Variants in DDX52 observed in about 807,000 individuals in gnomAD.
DDX52 encodes the protein DExD-box helicase 52.
In DDX52, 59 loss-of-function variants were observed where a neutral mutation model predicts 76.1. The observed-to-expected ratio is 0.78, with a 90% CI of 0.63 to 0.96. The LOEUF (loss-of-function observed/expected upper bound fraction) is 0.96, where lower values mean the gene tolerates loss of function less well. Ranked by LOEUF, DDX52 falls within the 40% of genes least tolerant of loss-of-function variation. The pLI is 0.00. For missense variants in DDX52, 707 were observed against 703.9 expected, an observed-to-expected ratio of 1.00 and a Z score of -0.05; for synonymous variants, 231 against 244.1, an observed-to-expected ratio of 0.95 and a Z score of 0.50.
intron 8 of DDX52, 56 bp from the exon 9 acceptor site, chr17:37,624,490 G>C: frequency 7.2e-7 from 1 of 1,384,234 alleles, no homozygotes. Context: ...TTTTTCCCCT[G>C]AACTCTAAAT....
At position 37,612,996 on chromosome 17, in the gene DDX52, A is replaced by C. The variant is rs1184437851; in HGVS notation, c.*1300T>G. The C allele has an allele frequency of 6.6e-6, 1 of 152,230 alleles. No homozygotes were observed. The highest frequency in any genetic ancestry group is 1.5e-5 in the Non-Finnish European group (1 of 68,042). The allele number at this position is 152,230 out of a possible 1,614,324, so 9.4% of individuals were successfully genotyped here. A position where few individuals can be genotyped will look rare whatever the true frequency, so the allele number is the denominator to read the frequency against. ...TACCAGTAGATCTTTCTTTAAATAA[A>C]TTCCGAAGATGAACAATTTTTGTCC... is the stretch of plus-strand genomic sequence containing the variant. On this transcript the variant is annotated 3_prime_UTR_variant, in exon 15 of 15. Transcript: ENST00000617633.
At chr17:37,625,710 C>G (rs2030331493) in intron 8 of DDX52, among the ~76,000 whole-genome samples, 185 bp downstream of exon 8, 1 of 152,026 alleles carries the variant, frequency 6.6e-6, no homozygotes, top group Non-Finnish European at 1.5e-5. Context: ...ATGTAAAAAC[C>G]TTCTTTTAGA....
Position 37,623,352 on chromosome 17 carries a change from G to A in DDX52, c.1227+992C>T, listed in dbSNP as rs143374886. 5.3e-3 allele frequency among the ~76,000 whole-genome samples: 802 copies of A among 152,060 alleles called. 3 individuals carry two copies. The highest frequency in any genetic ancestry group is 0.018 in the African/African-American group (747 of 41,344). ...AGGTAGGAGAATGGCGTGAACCCAG[G>A]AGGCAGAGCTTGCAGTGAGCCAAGA... On this transcript the variant is annotated intron_variant, in intron 9 of 14. Transcript: ENST00000617633.
chr17:37,632,049 G>C (rs761340048), intron 4 of DDX52, 64 bp downstream of exon 4: 11 of 1,601,254 alleles, frequency 6.9e-6, no homozygotes, highest in Non-Finnish European at 9.4e-6. Context: ...AAGAAGAGAG[G>C]GAAGAGAATG....
chr17:37,632,151 T>C lies in DDX52; in HGVS notation c.565A>G (p.Thr189Ala), dbSNP rs761607633. 1.2e-6 allele frequency: 2 copies of C among 1,613,418 alleles called. No individual in the cohort carries two copies. Among genetic ancestry groups the C allele is most frequent in the South Asian group, 2.2e-5 (2 of 91,030 alleles). Residue 189 changes from threonine to alanine, a missense_variant, in exon 4 of 15, where the codon ACG becomes GCG. By Grantham distance (58) the Thr-to-Ala change is moderately conservative. Transcript: ENST00000617633. ...GGGATGGCTTGCATTTGGATTGGCGTAGGCATTTGGAAACCTGCATCTAGA... is the reference window on the plus strand; with the variant it reads ...GGGATGGCTTGCATTTGGATTGGCGCAGGCATTTGGAAACCTGCATCTAGA... ...NILDAGFQMP[T>A]PIQMQAIPVM...
At chr17:37,625,858 A>G in intron 8 of DDX52, 37 bp downstream of exon 8, 1 of 1,610,556 alleles carries the variant, frequency 6.2e-7, no homozygotes, top group Non-Finnish European at 8.5e-7. Flanking sequence ...ATTTAAAAAA[A>G]AAATCAGTGT....
chr17:37,632,402 T>TA, intron 3 of DDX52, 104 bp from the exon 4 acceptor site: 1 of 1,318,174 alleles, frequency 7.6e-7, no homozygotes, highest in Non-Finnish European at 1.1e-6. Context: ...TTTAGCAGCA[T>TA]ATGAAACTTT....
At chr17:37,616,565 G>C (rs1019365661) in intron 14 of DDX52, among the ~76,000 whole-genome samples, 2 of 151,774 alleles carry the variant, frequency 1.3e-5, no homozygotes, top group Admixed American at 6.6e-5. Context: ...TGAGGCACGA[G>C]AATCACTTGA....
chr17:37,639,411 A>C, intron 2 of DDX52: 1 of 990,600 alleles, frequency 1.0e-6, no homozygotes, highest in Non-Finnish European at 1.2e-6. Context: ...ATCATTACTA[A>C]TTCACAAGCT....
intron 14 of DDX52, among the ~76,000 whole-genome samples, chr17:37,617,498 T>C (rs752637540): frequency 7.2e-5 from 11 of 152,242 alleles, no homozygotes; most frequent in Non-Finnish European, 1.0e-4. Context: ...AGGTAGCCTG[T>C]ATGAATGCTA....
At chr17:37,620,845 T>TA in intron 12 of DDX52, 28 bp downstream of exon 12, 1 of 1,571,970 alleles carries the variant, frequency 6.4e-7, no homozygotes, top group Non-Finnish European at 8.6e-7. Flanking sequence ...ATTTTGCCAA[T>TA]AACACTAGGT....
chr17:37,633,300 G>C lies in DDX52; in HGVS notation c.405C>G (p.Leu135=). 1 of 1,602,326 alleles carries C rather than the reference G, an allele frequency of 6.2e-7. No homozygotes were observed. ...ATATTTTTCTAACCTTTTCTTTTCT[G>C]AGATTCTCCAACTTTCCGGAAGTTA... ...SKLTSGKLEN[L]RKEKINFLRN... The change falls in exon 3 of 15, where the codon CTC becomes CTG. Residue 135 remains leucine (L), a synonymous_variant. Transcript: ENST00000617633.
chr17:37,642,246 T>G lies in DDX52; in HGVS notation c.150A>C (p.Gly50=). The G allele has an allele frequency of 6.2e-7, 1 of 1,614,056 alleles. No individual in the cohort carries two copies. The highest frequency in any genetic ancestry group is 8.5e-7 in the Non-Finnish European group (1 of 1,180,006). ...ACACACCTGGGACAGACTTCTTGTT[T>G]CCAAAAAAGTCCAGTCCCTGAAGCA... ...SEVLQGLDFF[G]NKKSVPGVCG... is the part of the protein sequence containing the mutation. Residue 50 remains glycine (G), a synonymous_variant, in exon 2 of 15, where the codon GGA becomes GGC. Coordinates refer to ENST00000617633, the MANE Select transcript of DDX52 (RefSeq NM_007010.5).
At position 37,614,181 on chromosome 17, in the gene DDX52, T is replaced by C. The variant is rs1338950125; in HGVS notation, c.*115A>G. 1.8e-6 allele frequency: 2 copies of C among 1,083,776 alleles called. No individual in the cohort carries two copies. Among genetic ancestry groups the C allele is most frequent in the African/African-American group, 1.6e-5 (1 of 62,672 alleles). 67.1% of individuals were successfully genotyped at this position (1,083,776 alleles called of 1,614,324 possible). A position where few individuals can be genotyped will look rare whatever the true frequency, so the allele number is the denominator to read the frequency against. The stretch of plus-strand genomic sequence containing the variant: ...TATCACCAGTCCCATGTACTTGTAG[T>C]TGATTTCAAATGTTTGGTACAGGTG... On this transcript the variant is annotated 3_prime_UTR_variant, in exon 15 of 15. Transcript: ENST00000617633.
At chr17:37,638,411 T>A (rs1225414593) in intron 2 of DDX52, among the ~76,000 whole-genome samples, 3 of 152,228 alleles carry the variant, frequency 2.0e-5, no homozygotes, top group South Asian at 2.1e-4. Context: ...TTATAACATA[T>A]AAGGCCATAG....
rs1377040119 is a variant in DDX52, at chr17:37,612,704, G to A, written c.*1592C>T. The A allele has an allele frequency of 1.3e-5, 2 of 152,144 alleles. No homozygotes were observed. Among genetic ancestry groups the A allele is most frequent in the Non-Finnish European group, 2.9e-5 (2 of 68,022 alleles). The allele number at this position is 152,144 out of a possible 1,614,324, so 9.4% of individuals were successfully genotyped here. A position where few individuals can be genotyped will look rare whatever the true frequency, so the allele number is the denominator to read the frequency against. ...GTAAGGGTAAGGACTGTGTTATCAA[G>A]CCTGTATTCCTAACAAAATCTATGT... On this transcript the variant is annotated 3_prime_UTR_variant, in exon 15 of 15. Coordinates refer to ENST00000617633, the MANE Select transcript of DDX52 (RefSeq NM_007010.5).
chr17:37,639,272 C>T (rs17138585), intron 2 of DDX52, among the ~76,000 whole-genome samples: 7,733 of 152,138 alleles, frequency 0.051, 296 homozygotes, highest in Non-Finnish European at 0.08. Flanking sequence ...AATAAGGGTA[C>T]AACGTACACG....
Position 37,632,122 on chromosome 17 carries a change from A to G in DDX52, c.594T>C (p.Val198=), listed in dbSNP as rs2030709042. Residue 198 remains valine, a synonymous_variant, in exon 4 of 15, where the codon GTT becomes GTC. Transcript: ENST00000617633. The part of the protein sequence containing the change: ...PTPIQMQAIP[V]MLHGRELLAS... Reference sequence around the variant, plus strand: ...AGATCTTCATACTCACATGCAGCATAACTGGGATGGCTTGCATTTGGATTG... The same window carrying G: ...AGATCTTCATACTCACATGCAGCATGACTGGGATGGCTTGCATTTGGATTG... 2 of 1,613,108 alleles carry G rather than the reference A, an allele frequency of 1.2e-6. No homozygotes were observed. Among genetic ancestry groups the G allele is most frequent in the Non-Finnish European group, 1.7e-6 (2 of 1,179,842 alleles).
At chr17:37,637,758 G>C (rs1003131526) in intron 2 of DDX52, among the ~76,000 whole-genome samples, 1 of 151,630 alleles carries the variant, frequency 6.6e-6, no homozygotes, top group Non-Finnish European at 1.5e-5. Context: ...ATTTTTAGTA[G>C]AGACGGGATT....
Sources: allele counts gnomAD v4.1 joint callset (sites outside exome capture counted in the v4.1 genomes callset), GRCh38; gene constraint gnomAD v4.1.1; transcripts MANE v1.5; gene names NCBI Gene and HGNC (gene_info 2026-07-23, HGNC 2026-07-21).